Variants in MIEF2 observed in about 807,000 individuals in gnomAD.
MIEF2 encodes the protein mitochondrial elongation factor 2, also known as mitochondrial dynamics protein MID49.
In MIEF2, 1 loss-of-function variant was observed where a neutral mutation model predicts 7.4. The ratio of observed to expected loss-of-function variants is 0.14; its 90% CI spans 0.05 to 0.64. MIEF2 has a LOEUF of 0.64. Ranked by LOEUF, MIEF2 falls within the 30% of genes least tolerant of loss-of-function variation. MIEF2 has a pLI of 0.85. For synonymous variants in MIEF2, 275 were observed against 290.5 expected (o/e 0.95, Z 0.54); for missense variants, 569 against 623.9 (o/e 0.91, Z 0.94).
In MIEF2 at chr17:18,262,866, G is replaced by A. The variant is rs772937434; in HGVS notation, c.146G>A (p.Arg49Gln). The A allele has an allele frequency of 2.8e-5, 43 of 1,538,724 alleles. No homozygotes were observed. Among genetic ancestry groups the A allele is most frequent in the Non-Finnish European group, 3.6e-5 (41 of 1,142,032 alleles). ...VLGIATLAVKRFIDRATSPRD... is the reference protein window; with the variant it reads ...VLGIATLAVKQFIDRATSPRD... ...GGCATTGCCACCCTGGCCGTGAAGC[G>A]GGTAAGGCCAAGTGGGCGGGTCATG... The change falls in exon 2 of 4, where the codon CGG (arginine) becomes CAG (glutamine). Residue 49 changes from arginine (R) to glutamine (Q), a missense_variant and splice_region_variant. Transcript: ENST00000323019.
In MIEF2 at chr17:18,263,132, C is replaced by CA; in HGVS notation, c.195dup (p.Asp66ArgfsTer25). The CA allele has an allele frequency of 6.2e-7, 1 of 1,613,632 alleles. No individual in the cohort carries two copies. The highest frequency in any genetic ancestry group is 8.5e-7 in the Non-Finnish European group (1 of 1,180,046). On this transcript the variant is annotated frameshift_variant, in exon 3 of 4. Coordinates refer to ENST00000323019, the MANE Select transcript of MIEF2 (RefSeq NM_139162.4). LOFTEE classifies it high-confidence loss of function. ...CCGCGGGATGAGGATGACACCAAGG[C>CA]AGACAGCTGGAAGGAACTGAGCCTG...
Position 18,264,010 on chromosome 17 carries a change from C to G in MIEF2, c.611C>G (p.Pro204Arg), listed in dbSNP as rs1978586553. The change falls in exon 4 of 4, where the codon CCG (proline) becomes CGG (arginine). Residue 204 changes from proline to arginine, a missense_variant. Coordinates refer to ENST00000323019, the MANE Select transcript of MIEF2 (RefSeq NM_139162.4). ...VRLLVPLVLE[P>R]GLWSLVPGVD... ...CTCCTGGTGCCACTGGTGCTGGAGC[C>G]GGGCCTGTGGAGCCTGGTGCCGGGC... The G allele has an allele frequency of 6.4e-7, 1 of 1,563,168 alleles. No individual in the cohort carries two copies. Among genetic ancestry groups the G allele is most frequent in the Non-Finnish European group, 8.6e-7 (1 of 1,157,500 alleles).
Position 18,262,865 on chromosome 17 carries a change from C to G in MIEF2, c.145C>G (p.Arg49Gly), listed in dbSNP as rs148638315. Residue 49 changes from arginine to glycine, a missense_variant and splice_region_variant, in exon 2 of 4, where the codon CGG becomes GGG. Transcript: ENST00000323019. ...VLGIATLAVK[R>G]FIDRATSPRD... ...GGGCATTGCCACCCTGGCCGTGAAG[C>G]GGGTAAGGCCAAGTGGGCGGGTCAT... 1 of 1,536,838 alleles carries G rather than the reference C, an allele frequency of 6.5e-7. No individual in the cohort carries two copies. Among genetic ancestry groups the G allele is most frequent in the Non-Finnish European group, 8.8e-7 (1 of 1,141,020 alleles).
rs774106052 is a variant in MIEF2 at position 18,263,792 on chromosome 17, G to C, written c.393G>C (p.Leu131=). Residue 131 remains leucine (L), a synonymous_variant, in exon 4 of 4, where the codon CTG becomes CTC. Transcript: ENST00000323019. ...APLCLTLQER[L]LAFERDRVTI... is the part of the protein sequence containing the mutation. ...TGTGTCTGACACTGCAGGAGAGGCT[G>C]CTGGCCTTCGAGCGGGACCGTGTGA... The C allele has an allele frequency of 6.2e-7, 1 of 1,610,678 alleles. No individual in the cohort carries two copies. The highest frequency in any genetic ancestry group is 1.3e-5 in the African/African-American group (1 of 74,952).
chr17:18,264,785 G>A lies in MIEF2; in HGVS notation c.*21G>A. 6.3e-7 allele frequency: 1 copy of A among 1,584,242 alleles called. No individual in the cohort carries two copies. The highest frequency in any genetic ancestry group is 8.6e-7 in the Non-Finnish European group (1 of 1,160,848). ...TCTAGGTGGGTGGAAACGGGTGGTT[G>A]CCATGTTTTCTAATGCTGGGGAGCT... On this transcript the variant is annotated 3_prime_UTR_variant, in exon 4 of 4. Transcript: ENST00000323019.
Position 18,264,843 on chromosome 17 carries a change from G to A in MIEF2, c.*79G>A. 2 of 1,512,454 alleles carry A rather than the reference G, an allele frequency of 1.3e-6. No individual in the cohort carries two copies. Among genetic ancestry groups the A allele is most frequent in the Non-Finnish European group, 8.8e-7 (1 of 1,131,440 alleles). The allele number at this position is 1,512,454 out of a possible 1,614,324, so 93.7% of individuals were successfully genotyped here. On this transcript the variant is annotated 3_prime_UTR_variant, in exon 4 of 4. Coordinates refer to ENST00000323019, the MANE Select transcript of MIEF2 (RefSeq NM_139162.4). ...CCTCCCTTCCAGGGATTTGAATAGT[G>A]GTTTTTCTCTAGCTTTTTGCCAGAA...
rs778850892 is a variant in MIEF2, at chr17:18,263,997, C to G, written c.598C>G (p.Leu200Val). 6.4e-7 allele frequency: 1 copy of G among 1,568,454 alleles called. No individual in the cohort carries two copies. Among genetic ancestry groups the G allele is most frequent in the Non-Finnish European group, 8.6e-7 (1 of 1,160,046 alleles). Residue 200 changes from leucine to valine, a missense_variant, in exon 4 of 4, where the codon CTG becomes GTG. Coordinates refer to ENST00000323019, the MANE Select transcript of MIEF2 (RefSeq NM_139162.4). ...GGACCATGTGCGTCTCCTGGTGCCA[C>G]TGGTGCTGGAGCCGGGCCTGTGGAG... ...AADHVRLLVP[L>V]VLEPGLWSLV...
rs1362165793 is a variant in MIEF2, at chr17:18,264,819, C to T, written c.*55C>T. 4 of 1,555,664 alleles carry T rather than the reference C, an allele frequency of 2.6e-6. No individual in the cohort carries two copies. Among genetic ancestry groups the T allele is most frequent in the Admixed American group, 1.9e-5 (1 of 53,044 alleles). On this transcript the variant is annotated 3_prime_UTR_variant, in exon 4 of 4. Transcript: ENST00000323019. ...TCTAATGCTGGGGAGCTGCACCCAC[C>T]TCCCTTCCAGGGATTTGAATAGTGG...
In MIEF2 at chr17:18,264,253, C is replaced by T. The variant is rs770102224; in HGVS notation, c.854C>T (p.Ser285Leu). The T allele has an allele frequency of 1.1e-5, 17 of 1,605,036 alleles. No individual in the cohort carries two copies. The highest frequency in any genetic ancestry group is 5.5e-5 in the South Asian group (5 of 91,084). The change falls in exon 4 of 4, where the codon TCG becomes TTG. Residue 285 changes from serine to leucine, a missense_variant. Physicochemically the swap from Ser to Leu is moderately radical, Grantham distance 145. Transcript: ENST00000323019. Reference protein sequence around the residue: ...LGCLIRPSMASEELLLEVQHE... With the variant: ...LGCLIRPSMALEELLLEVQHE... ...TGCCTGATCCGGCCCAGCATGGCCT[C>T]GGAGGAGCTGCTGCTCGAGGTGCAG...
intron 1 of MIEF2, among the ~76,000 whole-genome samples, chr17:18,261,871 G>T (rs1208252584): frequency 1.3e-5 from 2 of 152,226 alleles, no homozygotes; most frequent in African/African-American, 4.8e-5. Context: ...AGAGGCACTG[G>T]GCAGCCCTTT....
chr17:18,264,083 G>T lies in MIEF2; in HGVS notation c.684G>T (p.Thr228=), dbSNP rs3889402. ...CTCGCTGCTGGGCCGTGCGCAGGAC[G>T]CAGCTTGAGTTCTGCCCCCGTGGGA... ...RDPRCWAVRR[T]QLEFCPRGSS... The change falls in exon 4 of 4, where the codon ACG becomes ACT. Residue 228 remains threonine, a synonymous_variant. Coordinates refer to ENST00000323019, the MANE Select transcript of MIEF2 (RefSeq NM_139162.4). 0.11 allele frequency: 175,868 copies of T among 1,550,928 alleles called. 10,845 individuals are homozygous for T. The highest frequency in any genetic ancestry group is 0.18 in the South Asian group (15,642 of 86,434).
chr17:18,263,965 G>A lies in MIEF2; in HGVS notation c.566G>A (p.Gly189Glu). Residue 189 changes from glycine to glutamate, a missense_variant, in exon 4 of 4, where the codon GGG becomes GAG. Physicochemically the swap from Gly to Glu is moderately conservative, Grantham distance 98 (BLOSUM62 -2). Coordinates refer to ENST00000323019, the MANE Select transcript of MIEF2 (RefSeq NM_139162.4). ...GGPLYDGLQA[G>E]AADHVRLLVP... ...CCGCTCTACGACGGGCTGCAGGCGGGGGCTGCGGACCATGTGCGTCTCCTG... is the reference window on the plus strand; with the variant it reads ...CCGCTCTACGACGGGCTGCAGGCGGAGGCTGCGGACCATGTGCGTCTCCTG... 1 of 1,582,688 alleles carries A rather than the reference G, an allele frequency of 6.3e-7. No homozygotes were observed. Among genetic ancestry groups the A allele is most frequent in the Non-Finnish European group, 8.6e-7 (1 of 1,167,386 alleles).
At position 18,264,731 on chromosome 17, in the gene MIEF2, C is replaced by T. The variant is rs758168121; in HGVS notation, c.1332C>T (p.Tyr444=). The change falls in exon 4 of 4, where the codon TAC becomes TAT. Residue 444 remains tyrosine, a synonymous_variant. Coordinates refer to ENST00000323019, the MANE Select transcript of MIEF2 (RefSeq NM_139162.4). ...TTGACGACATTGGCTATGCGCTATA[C>T]AGTGGCCTACAGGAGCCCGAGGGGC... ...EEIDDIGYAL[Y]SGLQEPEGLL 2.5e-6 allele frequency: 4 copies of T among 1,611,600 alleles called. No individual in the cohort carries two copies. The highest frequency in any genetic ancestry group is 2.2e-5 in the East Asian group (1 of 44,840).
Position 18,262,716 on chromosome 17 carries a change from A to C in MIEF2, c.-5A>C, listed in dbSNP as rs1439995507. Reference sequence around the variant, plus strand: ...CTTCACCCCTGGCTCTCTTACAGGCAGACCATGGCAGAGTTCTCCCAGAAA... The same window carrying C: ...CTTCACCCCTGGCTCTCTTACAGGCCGACCATGGCAGAGTTCTCCCAGAAA... On this transcript the variant is annotated splice_region_variant and 5_prime_UTR_variant, in exon 2 of 4. Transcript: ENST00000323019. 6.2e-7 allele frequency: 1 copy of C among 1,602,936 alleles called. No individual in the cohort carries two copies. The highest frequency in any genetic ancestry group is 1.7e-5 in the Admixed American group (1 of 58,730).
chr17:18,263,932 C>T lies in MIEF2; in HGVS notation c.533C>T (p.Pro178Leu). ...GAACTGCCCTTTGGGGCATTCGTGC[C>T]TGGGGGGCCGCTCTACGACGGGCTG... ...FPELPFGAFVPGGPLYDGLQA... is the reference protein window; with the variant it reads ...FPELPFGAFVLGGPLYDGLQA... The change falls in exon 4 of 4, where the codon CCT (proline) becomes CTT (leucine). Residue 178 changes from proline to leucine, a missense_variant. Physicochemically the swap from Pro to Leu is moderately conservative, Grantham distance 98. Transcript: ENST00000323019. 6.3e-7 allele frequency: 1 copy of T among 1,595,490 alleles called. No individual in the cohort carries two copies. The highest frequency in any genetic ancestry group is 8.5e-7 in the Non-Finnish European group (1 of 1,175,370).
intron 2 of MIEF2, 79 bp downstream of exon 2, chr17:18,262,946 G>A (rs1031719492): frequency 5.3e-6 from 8 of 1,520,796 alleles, no homozygotes; most frequent in Non-Finnish European, 7.1e-6. Flanking sequence ...GGGCCCTGGG[G>A]AGGGGTGGGG....
In MIEF2 at chr17:18,264,025, T is replaced by C; in HGVS notation, c.626T>C (p.Leu209Pro). The stretch of plus-strand genomic sequence containing the variant: ...GTGCTGGAGCCGGGCCTGTGGAGCC[T>C]GGTGCCGGGCGTGGACACTGTGGCG... The part of the protein sequence containing the change: ...PLVLEPGLWS[L>P]VPGVDTVARD... The change falls in exon 4 of 4, where the codon CTG (leucine) becomes CCG (proline). Residue 209 changes from leucine to proline, a missense_variant. Physicochemically the swap from Leu to Pro is moderately conservative, Grantham distance 98. Coordinates refer to ENST00000323019, the MANE Select transcript of MIEF2 (RefSeq NM_139162.4). The C allele has an allele frequency of 6.4e-7, 1 of 1,558,768 alleles. No individual in the cohort carries two copies. The highest frequency in any genetic ancestry group is 1.2e-5 in the South Asian group (1 of 85,354).
intron 2 of MIEF2, 88 bp downstream of exon 2, chr17:18,262,955 G>T (rs1978496775): frequency 6.5e-7 from 1 of 1,530,268 alleles, no homozygotes; most frequent in Non-Finnish European, 8.8e-7. Flanking sequence ...GGAGGGGTGG[G>T]GACTGCCCAA....
chr17:18,263,768 G>C lies in MIEF2; in HGVS notation c.369G>C (p.Leu123=). The C allele has an allele frequency of 6.2e-7, 1 of 1,608,666 alleles. No individual in the cohort carries two copies. Among genetic ancestry groups the C allele is most frequent in the East Asian group, 2.2e-5 (1 of 44,764 alleles). Residue 123 remains leucine (L), a synonymous_variant, in exon 4 of 4, where the codon CTG becomes CTC. Transcript: ENST00000323019. Reference sequence around the variant, plus strand: ...CACAGCTCAGCTCCCCAGCACCGCTGTGTCTGACACTGCAGGAGAGGCTGC... The same window carrying C: ...CACAGCTCAGCTCCCCAGCACCGCTCTGTCTGACACTGCAGGAGAGGCTGC... ...VTPQLSSPAP[L]CLTLQERLLA... is the part of the protein sequence containing the mutation.
Sources: allele counts gnomAD v4.1 joint callset (sites outside exome capture counted in the v4.1 genomes callset), GRCh38; gene constraint gnomAD v4.1.1; transcripts MANE v1.5; gene names NCBI Gene and HGNC (gene_info 2026-07-23, HGNC 2026-07-21).